RNF180: variants seen among roughly 807,000 people sequenced by gnomAD.
RNF180 encodes E3 ubiquitin-protein ligase RNF180.
In RNF180, 38 loss-of-function variants were observed where a neutral mutation model predicts 59.2. The ratio of observed to expected loss-of-function variants is 0.64; its 90% CI spans 0.50 to 0.84. The LOEUF is 0.84. Ranked by LOEUF, RNF180 falls within the 40% of genes least tolerant of loss-of-function variation. The probability of loss-of-function intolerance (pLI) is 0.00; values close to 1 mark genes in which losing one functional copy is unlikely to be tolerated. For synonymous variants in RNF180, 262 were observed against 240.3 expected (o/e 1.09, Z -0.84); for missense variants, 705 against 700.9 (o/e 1.01, Z -0.07).
chr5:64,249,111 G>T (rs544113113), intron 5 of RNF180, among the ~76,000 whole-genome samples: 1 of 152,274 alleles, frequency 6.6e-6, no homozygotes, highest in East Asian at 1.9e-4. Flanking sequence ...TCAGGAGAGG[G>T]TGGCTAATGG....
intron 1 of RNF180, among the ~76,000 whole-genome samples, chr5:64,195,000 G>A (rs998082437): frequency 6.6e-6 from 1 of 152,084 alleles, no homozygotes; most frequent in South Asian, 2.1e-4. Flanking sequence ...CCAGTACCCA[G>A]AGTAGGAAAA....
At chr5:64,182,213 G>C (rs1166877837) in intron 1 of RNF180, among the ~76,000 whole-genome samples, 1 of 151,964 alleles carries the variant, frequency 6.6e-6, no homozygotes, top group Non-Finnish European at 1.5e-5. Context: ...GGATGGTCTT[G>C]ATCTCCTGAC....
At chr5:64,226,580 A>G (rs1304818847) in intron 5 of RNF180, among the ~76,000 whole-genome samples, 1 of 152,266 alleles carries the variant, frequency 6.6e-6, no homozygotes. Flanking sequence ...TCACGTGTTT[A>G]TCTGCTGACC....
intron 5 of RNF180, among the ~76,000 whole-genome samples, chr5:64,317,577 C>CATATATAT (rs1281513419): frequency 7.0e-6 from 1 of 143,032 alleles, no homozygotes; most frequent in Non-Finnish European, 1.5e-5. Flanking sequence ...CATATATATA[C>CATATATAT]ACATATATAT....
At chr5:64,261,262 A>C (rs1285440991) in intron 5 of RNF180, among the ~76,000 whole-genome samples, 1 of 152,140 alleles carries the variant, frequency 6.6e-6, no homozygotes, top group Non-Finnish European at 1.5e-5. Flanking sequence ...ATTTTCATTC[A>C]GGAAAAAGAG....
intron 1 of RNF180, among the ~76,000 whole-genome samples, chr5:64,195,589 G>A (rs1225433737): frequency 6.6e-6 from 1 of 152,094 alleles, no homozygotes; most frequent in East Asian, 1.9e-4. Flanking sequence ...TTTACCATTG[G>A]CTAATTGATA....
At chr5:64,174,372 G>T in intron 1 of RNF180, among the ~76,000 whole-genome samples, 1 of 152,058 alleles carries the variant, frequency 6.6e-6, no homozygotes, top group South Asian at 2.1e-4. Flanking sequence ...ATTTTTTGAG[G>T]AACCTCCATA....
At chr5:64,353,287 G>C (rs983573426) in intron 7 of RNF180, among the ~76,000 whole-genome samples, 5 of 151,498 alleles carry the variant, frequency 3.3e-5, no homozygotes, top group Admixed American at 2.0e-4. Context: ...CCTCAATTTT[G>C]AATATAAAAT....
chr5:64,334,090 T>C (rs1433318297), intron 7 of RNF180, among the ~76,000 whole-genome samples: 1 of 152,162 alleles, frequency 6.6e-6, no homozygotes, highest in Non-Finnish European at 1.5e-5. Context: ...TCACTCACTG[T>C]TGAGAATGTC....
At chr5:64,349,544 T>TA (rs778319884) in intron 7 of RNF180, among the ~76,000 whole-genome samples, 31 of 152,186 alleles carry the variant, frequency 2.0e-4, no homozygotes, top group Admixed American at 3.3e-4. Context: ...ACTCATCATT[T>TA]ACATTAGGTA....
chr5:64,265,797 C>A (rs1265697539), intron 5 of RNF180, among the ~76,000 whole-genome samples: 2 of 151,740 alleles, frequency 1.3e-5, no homozygotes, highest in Non-Finnish European at 2.9e-5. Flanking sequence ...AGCATTGAAT[C>A]TAAATTACTT....
intron 6 of RNF180, among the ~76,000 whole-genome samples, chr5:64,330,032 G>A (rs1744830380): frequency 6.6e-6 from 1 of 152,112 alleles, no homozygotes; most frequent in Admixed American, 6.5e-5. Flanking sequence ...TATACTGCTT[G>A]ACATAGGAGC....
intron 5 of RNF180, among the ~76,000 whole-genome samples, chr5:64,255,252 G>A (rs112222420): frequency 2.1e-4 from 32 of 152,074 alleles, no homozygotes; most frequent in African/African-American, 7.0e-4. Flanking sequence ...TGTGCACAAC[G>A]TGCAGGTTTG....
Position 64,371,151 on chromosome 5 carries a change from C to A in RNF180, c.*1337C>A, listed in dbSNP as rs1746646173. On this transcript the variant is annotated 3_prime_UTR_variant, in exon 8 of 8. Transcript: ENST00000389100. Reference sequence around the variant, plus strand: ...AATGGTACTGATTTCTATTCTAATGCTGTTCTTATTATTGTGTTTTAAATT... The same window carrying A: ...AATGGTACTGATTTCTATTCTAATGATGTTCTTATTATTGTGTTTTAAATT... The A allele has an allele frequency of 6.6e-6, 1 of 151,566 alleles. No homozygotes were observed. Among genetic ancestry groups the A allele is most frequent in the African/African-American group, 2.4e-5 (1 of 41,374 alleles). 9.4% of individuals were successfully genotyped at this position (151,566 alleles called of 1,614,324 possible). A position where few individuals can be genotyped will look rare whatever the true frequency, so the allele number is the denominator to read the frequency against.
intron 1 of RNF180, among the ~76,000 whole-genome samples, chr5:64,200,492 T>C (rs955332298): frequency 9.2e-5 from 14 of 152,052 alleles, no homozygotes; most frequent in Non-Finnish European, 1.6e-4. Flanking sequence ...CAGTAACTTA[T>C]TGAATTGACT....
At chr5:64,201,704 A>G (rs1338330251) in intron 2 of RNF180, among the ~76,000 whole-genome samples, 1 of 152,212 alleles carries the variant, frequency 6.6e-6, no homozygotes, top group Non-Finnish European at 1.5e-5. Flanking sequence ...GTCTAAACTG[A>G]TAATAGTAGA....
intron 5 of RNF180, among the ~76,000 whole-genome samples, chr5:64,241,506 C>A (rs1742804724): frequency 6.6e-6 from 1 of 152,156 alleles, no homozygotes; most frequent in Non-Finnish European, 1.5e-5. Flanking sequence ...GAAATGAACC[C>A]CAATTTATTT....
chr5:64,234,632 C>T (rs1246865776), intron 5 of RNF180, among the ~76,000 whole-genome samples: 1 of 94,988 alleles, frequency 1.1e-5, no homozygotes, highest in African/African-American at 4.1e-5. Flanking sequence ...AGGAGTCTCA[C>T]TCTGTCGCCC....
At chr5:64,329,119 C>G (rs1433617793) in intron 6 of RNF180, among the ~76,000 whole-genome samples, 1 of 152,038 alleles carries the variant, frequency 6.6e-6, no homozygotes, top group African/African-American at 2.4e-5. Flanking sequence ...TTAAAATTAC[C>G]TCAAGTATAT....
Sources: gnomAD v4.1 joint callset for allele counts (sites outside exome capture counted in the v4.1 genomes callset) on GRCh38, gnomAD v4.1.1 for gene constraint, MANE v1.5 for transcripts, NCBI Gene and HGNC (gene_info 2026-07-23, HGNC 2026-07-21) for gene names.